Variants in SAMMSON observed in about 807,000 individuals in gnomAD.
SAMMSON encodes survival associated mitochondrial melanoma specific oncogenic non-coding RNA.
intron 4 of SAMMSON, among the ~76,000 whole-genome samples, chr3:70,138,734 C>T (rs1395380410): frequency 6.6e-6 from 1 of 152,156 alleles, no homozygotes; most frequent in African/African-American, 2.4e-5. Context: ...ATCTAAATAT[C>T]ATCTAAATTA....
intron 4 of SAMMSON, among the ~76,000 whole-genome samples, chr3:70,104,900 C>T (rs1418887250): frequency 6.6e-6 from 1 of 152,096 alleles, no homozygotes; most frequent in East Asian, 1.9e-4. Flanking sequence ...AACTTCTGAA[C>T]AGAAAGACTC....
chr3:70,408,274 C>A (rs1701192022), intron 2 of SAMMSON, among the ~76,000 whole-genome samples: 1 of 152,240 alleles, frequency 6.6e-6, no homozygotes, highest in East Asian at 1.9e-4. Context: ...TAACATTCAG[C>A]TCCTCGTTGC....
intron 4 of SAMMSON, among the ~76,000 whole-genome samples, chr3:70,124,232 G>A (rs2067446398): frequency 6.6e-6 from 1 of 152,214 alleles, no homozygotes; most frequent in South Asian, 2.1e-4. Flanking sequence ...AGATGAATGA[G>A]TGAAGTTAAT....
intron 4 of SAMMSON, among the ~76,000 whole-genome samples, chr3:70,209,781 A>C (rs1446830594): frequency 6.6e-6 from 1 of 152,092 alleles, no homozygotes; most frequent in African/African-American, 2.4e-5. Flanking sequence ...AAATACTGTG[A>C]TGTGTCACCT....
At chr3:70,255,349 A>G (rs1701806036) in intron 6 of SAMMSON, among the ~76,000 whole-genome samples, 1 of 152,248 alleles carries the variant, frequency 6.6e-6, no homozygotes. Context: ...GGACCAAAGA[A>G]GAGGCTTGGC....
intron 6 of SAMMSON, among the ~76,000 whole-genome samples, chr3:70,265,737 T>C (rs975873836): frequency 6.6e-6 from 1 of 152,208 alleles, no homozygotes; most frequent in Non-Finnish European, 1.5e-5. Context: ...AAGGTTTAAT[T>C]GACTCACAGT....
intron 4 of SAMMSON, among the ~76,000 whole-genome samples, chr3:70,092,861 G>A (rs2106648486): frequency 6.7e-6 from 1 of 149,826 alleles, no homozygotes; most frequent in Middle Eastern, 3.5e-3. Context: ...GCTTGATAAA[G>A]TTCTGAGGGA....
intron 3 of SAMMSON, among the ~76,000 whole-genome samples, chr3:70,019,660 G>A (rs1230862481): frequency 1.3e-5 from 2 of 152,192 alleles, no homozygotes; most frequent in Admixed American, 1.3e-4. Flanking sequence ...GTCAGTTGAT[G>A]CAGTTTCTTC....
intron 4 of SAMMSON, among the ~76,000 whole-genome samples, chr3:70,118,212 G>A (rs906555798): frequency 2.8e-4 from 43 of 152,190 alleles, no homozygotes; most frequent in African/African-American, 1.0e-3. Context: ...GTGAGCCACT[G>A]TGCCTGGCCA....
At position 70,002,463 on chromosome 3, in the gene SAMMSON, A is replaced by G. The variant is rs982352898; in HGVS notation, n.22+2596A>G. ...GAAATTTAGAAAACTCAGAGAATAT[A>G]TAAAAACACAAAGAAAAGCCAGCCA... On this transcript the variant is annotated intron_variant and non_coding_transcript_variant, in intron 1 of 9. Coordinates refer to ENST00000642114, the Ensembl canonical transcript of SAMMSON. Among the ~76,000 whole-genome samples the G allele has an allele frequency of 2.0e-5, 3 of 152,214 alleles. No individual in the cohort carries two copies. The East Asian group carries it at 5.8e-4, about 29-fold the overall frequency.
intron 7 of SAMMSON, chr3:70,291,968 TC>T (rs1273297614): frequency 6.6e-6 from 1 of 152,194 alleles, no homozygotes; most frequent in Non-Finnish European, 1.5e-5. Flanking sequence ...CTCAGATTCA[TC>T]CATTCATTAA....
chr3:70,392,652 C>T (rs187565135), downstream of SAMMSON, among the ~76,000 whole-genome samples: 7 of 152,232 alleles, frequency 4.6e-5, no homozygotes, highest in African/African-American at 4.8e-5. Context: ...GGCTTCTGTG[C>T]GAATTCAGCC....
intron 6 of SAMMSON, among the ~76,000 whole-genome samples, chr3:70,251,872 C>T (rs1476986539): frequency 2.0e-5 from 3 of 152,138 alleles, no homozygotes; most frequent in Admixed American, 6.5e-5. Context: ...GAAATAAATG[C>T]TTGTTGTTAT....
At chr3:70,252,090 G>A (rs1701774682) in intron 6 of SAMMSON, among the ~76,000 whole-genome samples, 1 of 152,270 alleles carries the variant, frequency 6.6e-6, no homozygotes, top group East Asian at 1.9e-4. Context: ...TTCTAAGCTA[G>A]CTCTGAAGCT....
chr3:70,104,556 G>A (rs2067359322), intron 4 of SAMMSON, among the ~76,000 whole-genome samples: 2 of 152,090 alleles, frequency 1.3e-5, no homozygotes, highest in South Asian at 2.1e-4. Flanking sequence ...AGGAGGATGC[G>A]AACACCCCCA....
chr3:70,339,334 T>A (rs530861385), intron 7 of SAMMSON, among the ~76,000 whole-genome samples: 2 of 152,304 alleles, frequency 1.3e-5, no homozygotes, highest in Non-Finnish European at 1.5e-5. Context: ...ATTCAGGACA[T>A]AGGCATGGGC....
intron 8 of SAMMSON, among the ~76,000 whole-genome samples, chr3:70,354,859 C>T (rs1469097086): frequency 6.6e-6 from 1 of 152,154 alleles, no homozygotes; most frequent in Non-Finnish European, 1.5e-5. Context: ...GGTCTGATTG[C>T]CTTTCCAGCT....
chr3:70,267,434 G>T (rs1159003168), intron 6 of SAMMSON, among the ~76,000 whole-genome samples: 1 of 113,972 alleles, frequency 8.8e-6, no homozygotes, highest in Non-Finnish European at 1.6e-5. Context: ...CGGGAGTCTC[G>T]CTCTGTCACC....
chr3:70,001,662 C>T (rs564783430), intron 1 of SAMMSON, among the ~76,000 whole-genome samples: 6 of 152,094 alleles, frequency 3.9e-5, no homozygotes, highest in Non-Finnish European at 8.8e-5. Flanking sequence ...GGGGGAATCA[C>T]GACTTTCTAA....
Sources: allele counts gnomAD v4.1 joint callset (sites outside exome capture counted in the v4.1 genomes callset), GRCh38; gene constraint gnomAD v4.1.1; transcripts MANE v1.5; gene names NCBI Gene and HGNC (gene_info 2026-07-23, HGNC 2026-07-21).